The following SOS2 variants were observed in gnomAD, a reference collection of about 807,000 sequenced individuals.
SOS2 encodes son of sevenless homolog 2.
A neutral mutation model predicts 148.2 loss-of-function variants in SOS2; 65 were observed. The observed-to-expected ratio is 0.44, with a 90% CI of 0.36 to 0.54. The LOEUF (loss-of-function observed/expected upper bound fraction) is 0.54, where lower values mean the gene tolerates loss of function less well. Ranked by LOEUF, SOS2 falls within the 20% of genes least tolerant of loss-of-function variation. SOS2 has a pLI of 0.00. For synonymous variants in SOS2, 539 were observed against 537.1 expected, an observed-to-expected ratio of 1.00 and a Z score of -0.05; for missense variants, 1,341 against 1,590.2, an observed-to-expected ratio of 0.84 and a Z score of 2.67.
Position 50,169,338 on chromosome 14 carries a change from A to AC in SOS2, c.1068+5115_1068+5116insG, listed in dbSNP as rs1885283229. Reference sequence around the variant, plus strand: ...CTCAAAAAAAATAAAAATAAAAATAAAAAACAAACAAACAGGCCAGGCACA... The same window carrying AC: ...CTCAAAAAAAATAAAAATAAAAATAACAAAACAAACAAACAGGCCAGGCACA... On this transcript the variant is annotated intron_variant, in intron 8 of 22. Transcript: ENST00000216373. Among the ~76,000 whole-genome samples, 23 of 77,132 alleles carry AC rather than the reference A, an allele frequency of 3.0e-4. 1 individual carries two copies. In the East Asian group the frequency reaches 8.9e-3, roughly 30 times the overall value. 50.6% of individuals were successfully genotyped at this position (77,132 alleles called of 152,430 possible).
At chr14:50,198,983 A>C (rs1490738296) in intron 4 of SOS2, among the ~76,000 whole-genome samples, 4 of 152,232 alleles carry the variant, frequency 2.6e-5, no homozygotes, top group Non-Finnish European at 4.4e-5. Flanking sequence ...GTGAAACCCT[A>C]TCTCTCCAAA....
intron 18 of SOS2, among the ~76,000 whole-genome samples, chr14:50,136,920 G>A (rs1272465705): frequency 6.6e-6 from 1 of 152,002 alleles, no homozygotes; most frequent in Non-Finnish European, 1.5e-5. Context: ...TGCTTTAGGT[G>A]GTCTTTTTCT....
chr14:50,169,289 C>T (rs942979142), intron 8 of SOS2, among the ~76,000 whole-genome samples: 1 of 151,512 alleles, frequency 6.6e-6, no homozygotes, highest in African/African-American at 2.4e-5. Context: ...GCACTCCAGC[C>T]TGGGCGACAG....
chr14:50,218,567 AC>A (rs1887108118), intron 1 of SOS2, among the ~76,000 whole-genome samples: 1 of 152,098 alleles, frequency 6.6e-6, no homozygotes, highest in Non-Finnish European at 1.5e-5. Flanking sequence ...AAACAACTCA[AC>A]AAAAATGGGC....
chr14:50,137,831 T>C (rs1378571535), intron 18 of SOS2, among the ~76,000 whole-genome samples: 1 of 152,230 alleles, frequency 6.6e-6, no homozygotes, highest in African/African-American at 2.4e-5. Flanking sequence ...TATACTCTTA[T>C]AGTTAATATT....
At position 50,159,952 on chromosome 14, in the gene SOS2, A is replaced by G. The variant is rs1884941577; in HGVS notation, c.1331T>C (p.Met444Thr). The change falls in exon 10 of 23, where the codon ATG (methionine) becomes ACG (threonine). Residue 444 changes from methionine (M) to threonine (T), a missense_variant. Met to Thr is a moderately conservative substitution (Grantham distance 81, BLOSUM62 -1). Coordinates refer to ENST00000216373, the MANE Select transcript of SOS2 (RefSeq NM_006939.4). Reference protein sequence around the residue: ...DIGQCCNEFIMEGPLTRIGAK... With the variant: ...DIGQCCNEFITEGPLTRIGAK... ...ACCGATTCTTGTCAATGGTCCCTCCATAATGAATTCATTACAACACTGTCC... is the reference window on the plus strand; with the variant it reads ...ACCGATTCTTGTCAATGGTCCCTCCGTAATGAATTCATTACAACACTGTCC... The G allele has an allele frequency of 6.2e-7, 1 of 1,614,194 alleles. No individual in the cohort carries two copies. The highest frequency in any genetic ancestry group is 8.5e-7 in the Non-Finnish European group (1 of 1,180,022).
intron 1 of SOS2, among the ~76,000 whole-genome samples, chr14:50,209,283 G>GTT (rs1886783046): frequency 1.1e-5 from 1 of 87,374 alleles, no homozygotes; most frequent in Non-Finnish European, 2.2e-5. Context: ...TCGTGTGTGT[G>GTT]TGTGTGTGTG....
chr14:50,145,464 A>C lies in SOS2; in HGVS notation c.2504+13T>G. On this transcript the variant is annotated intron_variant, in intron 15 of 22. Coordinates refer to ENST00000216373, the MANE Select transcript of SOS2 (RefSeq NM_006939.4). ...TGGCTATTAGGAGGTAGTAAGAGTA[A>C]ATTAAAACTTACTTTTCAAACCAGA... is the stretch of plus-strand genomic sequence containing the variant. 6.3e-7 allele frequency: 1 copy of C among 1,595,146 alleles called. No individual in the cohort carries two copies. Among genetic ancestry groups the C allele is most frequent in the Admixed American group, 1.7e-5 (1 of 57,302 alleles).
chr14:50,131,918 A>G (rs1883887103), intron 19 of SOS2, among the ~76,000 whole-genome samples: 2 of 152,208 alleles, frequency 1.3e-5, no homozygotes, highest in African/African-American at 4.8e-5. Context: ...CAGAAATGAT[A>G]GCCAACACCA....
intron 16 of SOS2, among the ~76,000 whole-genome samples, chr14:50,142,453 T>A (rs58584333): frequency 5.3e-5 from 8 of 152,062 alleles, no homozygotes; most frequent in Non-Finnish European, 5.9e-5. Flanking sequence ...CTAAAAAAAA[T>A]AAATAAATAA....
At chr14:50,189,354 C>T (rs1886046148) in intron 4 of SOS2, among the ~76,000 whole-genome samples, 1 of 15,766 alleles carries the variant, frequency 6.3e-5, no homozygotes, top group African/African-American at 1.7e-4. Flanking sequence ...AAAAAGCAAG[C>T]CTGTCTTTGG....
intron 4 of SOS2, among the ~76,000 whole-genome samples, chr14:50,189,407 C>T (rs1307561955): frequency 6.9e-6 from 1 of 145,094 alleles, no homozygotes; most frequent in Admixed American, 7.0e-5. Context: ...AGCCACTACT[C>T]GACTATGATT....
intron 1 of SOS2, among the ~76,000 whole-genome samples, chr14:50,220,063 G>C (rs1887154255): frequency 6.6e-6 from 1 of 151,444 alleles, no homozygotes; most frequent in Admixed American, 6.6e-5. Context: ...CCCTACACCT[G>C]TATGCTTAGC....
chr14:50,195,928 G>A (rs1192293372), intron 4 of SOS2, among the ~76,000 whole-genome samples: 1 of 152,208 alleles, frequency 6.6e-6, no homozygotes, highest in African/African-American at 2.4e-5. Context: ...CTGGGAGGCT[G>A]AGGCAGGAGA....
At chr14:50,204,154 C>A (rs1390939918) in intron 2 of SOS2, 130 bp downstream of exon 2, 2 of 523,870 alleles carry the variant, frequency 3.8e-6, no homozygotes, top group Non-Finnish European at 6.4e-6. Flanking sequence ...TTGTCAAAAA[C>A]AAACTGACCA....
intron 1 of SOS2, among the ~76,000 whole-genome samples, chr14:50,205,901 C>A (rs149982001): frequency 1.7e-5 from 2 of 119,042 alleles, no homozygotes; most frequent in South Asian, 2.5e-4. Context: ...GCCTGGGCAA[C>A]TCCATCTCAA....
intron 8 of SOS2, among the ~76,000 whole-genome samples, chr14:50,169,632 C>T (rs886846640): frequency 2.6e-5 from 4 of 151,830 alleles, no homozygotes; most frequent in Non-Finnish European, 5.9e-5. Context: ...AGAGTGAGAC[C>T]GTGCCTCAAA....
intron 8 of SOS2, among the ~76,000 whole-genome samples, chr14:50,162,644 CAT>C (rs1442519865): frequency 6.6e-6 from 1 of 152,124 alleles, no homozygotes; most frequent in East Asian, 1.9e-4. Flanking sequence ...TTCAATCTAT[CAT>C]AAACTTTTCC....
chr14:50,167,878 A>C (rs1885219292), intron 8 of SOS2, among the ~76,000 whole-genome samples: 1 of 152,096 alleles, frequency 6.6e-6, no homozygotes, highest in South Asian at 2.1e-4. Flanking sequence ...AAAAAAAAAA[A>C]AGAAAAAAAA....
Sources: allele counts gnomAD v4.1 joint callset (sites outside exome capture counted in the v4.1 genomes callset), GRCh38; gene constraint gnomAD v4.1.1; transcripts MANE v1.5; gene names NCBI Gene and HGNC (gene_info 2026-07-23, HGNC 2026-07-21).